The following FRMD5 variants were observed in gnomAD, a reference collection of about 807,000 sequenced individuals.
The protein encoded by FRMD5 is FERM domain-containing protein 5.
Under a neutral mutation model 69.0 loss-of-function variants are expected in FRMD5, and 20 were observed. The ratio of observed to expected loss-of-function variants is 0.29; its 90% CI spans 0.20 to 0.42. The LOEUF is 0.42. Among genes scored for constraint, FRMD5 ranks in the 10% least tolerant of loss-of-function variants. The probability of loss-of-function intolerance (pLI) is 1.00; values close to 1 mark genes in which losing one functional copy is unlikely to be tolerated. For synonymous variants in FRMD5, 271 were observed against 260.1 expected (o/e 1.04, Z -0.40); for missense variants, 595 against 708.6 (o/e 0.84, Z 1.82).
chr15:44,071,481 T>C (rs1048026596), intron 1 of FRMD5, among the ~76,000 whole-genome samples: 6 of 152,010 alleles, frequency 3.9e-5, no homozygotes, highest in Middle Eastern at 3.4e-3. Context: ...CTGGCAACAG[T>C]AGTCAAGTGT....
intron 1 of FRMD5, among the ~76,000 whole-genome samples, chr15:44,139,786 A>G (rs886429132): frequency 3.3e-5 from 5 of 151,648 alleles, no homozygotes; most frequent in African/African-American, 1.2e-4. Flanking sequence ...AATACTCTTC[A>G]AAGAAGCTAT....
intron 1 of FRMD5, among the ~76,000 whole-genome samples, chr15:44,037,458 G>A (rs1285803793): frequency 6.6e-6 from 1 of 150,490 alleles, no homozygotes; most frequent in Non-Finnish European, 1.5e-5. Context: ...ACGTGTACAT[G>A]TGTCTTTTCT....
chr15:44,108,023 G>A (rs748542174), intron 1 of FRMD5, among the ~76,000 whole-genome samples: 2 of 151,830 alleles, frequency 1.3e-5, no homozygotes, highest in Admixed American at 6.6e-5. Flanking sequence ...CTAGACCAGG[G>A]GTAAACAAAT....
intron 1 of FRMD5, among the ~76,000 whole-genome samples, chr15:44,015,244 T>C (rs1211994996): frequency 6.6e-6 from 1 of 151,998 alleles, no homozygotes; most frequent in Non-Finnish European, 1.5e-5. Flanking sequence ...CAAGTGATCC[T>C]CCTGCCTCAG....
chr15:44,045,975 A>G (rs1178047388), intron 1 of FRMD5, among the ~76,000 whole-genome samples: 1 of 152,184 alleles, frequency 6.6e-6, no homozygotes, highest in Non-Finnish European at 1.5e-5. Flanking sequence ...CTACAGTTGT[A>G]TAGTCTCTTT....
At chr15:44,193,494 A>C (rs771616527) in intron 1 of FRMD5, among the ~76,000 whole-genome samples, 7 of 152,230 alleles carry the variant, frequency 4.6e-5, no homozygotes, top group Non-Finnish European at 7.3e-5. Flanking sequence ...GTAGTATTCC[A>C]CTCATTCAGC....
At chr15:44,007,637 AT>A (rs35512441) in intron 1 of FRMD5, among the ~76,000 whole-genome samples, 1,716 of 80,974 alleles carry the variant, frequency 0.021, 10 homozygotes, top group African/African-American at 0.061. Flanking sequence ...TAATTAACTA[AT>A]TTTTTTTTTT....
chr15:43,976,944 C>G (rs899522290), intron 1 of FRMD5, among the ~76,000 whole-genome samples: 4 of 152,070 alleles, frequency 2.6e-5, no homozygotes, highest in African/African-American at 7.2e-5. Context: ...GATTCTCCTG[C>G]CTCAGCCTCT....
chr15:44,057,867 A>G (rs958485), intron 1 of FRMD5, among the ~76,000 whole-genome samples: 125,223 of 152,152 alleles, frequency 0.82, 54,408 homozygotes, highest in Non-Finnish European at 0.95. Flanking sequence ...CCAGCGCTTT[A>G]TGATCCTTAG....
At chr15:43,907,657 G>T (rs2089205182) in intron 5 of FRMD5, among the ~76,000 whole-genome samples, 1 of 151,948 alleles carries the variant, frequency 6.6e-6, no homozygotes. Context: ...ACAGGCATGT[G>T]CCACCACGCC....
At chr15:44,060,632 G>A (rs866693069) in intron 1 of FRMD5, among the ~76,000 whole-genome samples, 1 of 152,064 alleles carries the variant, frequency 6.6e-6, no homozygotes, top group African/African-American at 2.4e-5. Flanking sequence ...TCCCCAAATG[G>A]CTTAGGCACT....
At chr15:43,913,373 G>A (rs1408139580) in intron 4 of FRMD5, among the ~76,000 whole-genome samples, 2 of 152,252 alleles carry the variant, frequency 1.3e-5, no homozygotes, top group African/African-American at 4.8e-5. Flanking sequence ...AGGGCAAGAG[G>A]AGATGAGCTC....
chr15:44,164,953 G>C (rs1034834159), intron 1 of FRMD5, among the ~76,000 whole-genome samples: 1 of 152,220 alleles, frequency 6.6e-6, no homozygotes, highest in Non-Finnish European at 1.5e-5. Context: ...ATGTTCGGAG[G>C]TGGAGGCAGC....
At chr15:43,893,426 C>T (rs780551971) in intron 7 of FRMD5, among the ~76,000 whole-genome samples, 16 of 152,136 alleles carry the variant, frequency 1.1e-4, no homozygotes, top group African/African-American at 1.4e-4. Context: ...CTGTAGGTCT[C>T]GCTTCCTCAC....
intron 4 of FRMD5, among the ~76,000 whole-genome samples, chr15:43,915,912 T>C (rs985091481): frequency 1.3e-5 from 2 of 152,170 alleles, no homozygotes; most frequent in African/African-American, 4.8e-5. Context: ...ATTACGGATG[T>C]TGAGTGAGGC....
At chr15:43,946,897 G>C (rs957910682) in intron 1 of FRMD5, among the ~76,000 whole-genome samples, 2 of 152,194 alleles carry the variant, frequency 1.3e-5, no homozygotes, top group Non-Finnish European at 2.9e-5. Context: ...AGTTAAAGTA[G>C]ATACTTTGGA....
intron 1 of FRMD5, among the ~76,000 whole-genome samples, chr15:44,011,446 G>C (rs1890717510): frequency 6.6e-6 from 1 of 152,136 alleles, no homozygotes. Flanking sequence ...TGTCATTCAA[G>C]AACAGGTGCC....
intron 1 of FRMD5, among the ~76,000 whole-genome samples, chr15:43,993,698 A>G (rs1481184793): frequency 6.6e-6 from 1 of 152,104 alleles, no homozygotes; most frequent in African/African-American, 2.4e-5. Flanking sequence ...CCCTACTATT[A>G]TTGTGTTGCG....
At chr15:43,876,693 G>A (rs2088368243) in intron 13 of FRMD5, among the ~76,000 whole-genome samples, 1 of 152,182 alleles carries the variant, frequency 6.6e-6, no homozygotes, top group African/African-American at 2.4e-5. Flanking sequence ...CGTTCTAGCT[G>A]TTCTGACTTT....
Sources: gnomAD v4.1 joint callset for allele counts (sites outside exome capture counted in the v4.1 genomes callset) on GRCh38, gnomAD v4.1.1 for gene constraint, MANE v1.5 for transcripts, NCBI Gene and HGNC (gene_info 2026-07-23, HGNC 2026-07-21) for gene names.